The following SCMH1 variants were observed in gnomAD, a reference collection of about 807,000 sequenced individuals.
SCMH1 encodes the protein Scm polycomb group protein homolog 1, also known as polycomb protein SCMH1.
Under a neutral mutation model 70.8 loss-of-function variants are expected in SCMH1, and 37 were observed. That is an observed-to-expected ratio of 0.52 (90% CI 0.40 to 0.69). The LOEUF is 0.69. Ranked by LOEUF, SCMH1 falls within the 30% of genes least tolerant of loss-of-function variation. The probability of loss-of-function intolerance (pLI) is 0.00; values close to 1 mark genes in which losing one functional copy is unlikely to be tolerated. For missense variants in SCMH1, 607 were observed against 827.3 expected, an observed-to-expected ratio of 0.73 and a Z score of 3.27; for synonymous variants, 292 against 307.4, an observed-to-expected ratio of 0.95 and a Z score of 0.52.
chr1:41,043,367 T>C (rs1344150234), intron 12 of SCMH1: 1 of 151,962 alleles, frequency 6.6e-6, no homozygotes, highest in Non-Finnish European at 1.5e-5. Flanking sequence ...GTGCCGGGAT[T>C]ACAGGCATGA....
At chr1:41,221,189 G>A (rs1659172230) in intron 1 of SCMH1, among the ~76,000 whole-genome samples, 1 of 152,166 alleles carries the variant, frequency 6.6e-6, no homozygotes, top group Admixed American at 6.5e-5. Context: ...CTTATATGAG[G>A]TTCCTAGTGT....
intron 8 of SCMH1, among the ~76,000 whole-genome samples, chr1:41,075,812 G>A (rs1658117715): frequency 6.6e-6 from 1 of 152,132 alleles, no homozygotes. Flanking sequence ...TAAGAATGAA[G>A]GTCTGAGGCT....
At chr1:41,109,021 T>C (rs931716786) in intron 8 of SCMH1, among the ~76,000 whole-genome samples, 4 of 152,144 alleles carry the variant, frequency 2.6e-5, no homozygotes, top group Non-Finnish European at 5.9e-5. Flanking sequence ...CAAATGAAGC[T>C]TTGAAGAAGG....
intron 1 of SCMH1, 148 bp from the exon 2 acceptor site, chr1:41,186,398 G>A: frequency 3.0e-6 from 1 of 328,116 alleles, no homozygotes; most frequent in South Asian, 5.1e-5. Flanking sequence ...TCTTGGAGTT[G>A]CAAAGTACCT....
intron 7 of SCMH1, among the ~76,000 whole-genome samples, chr1:41,115,177 C>T (rs1199662472): frequency 6.6e-6 from 1 of 151,754 alleles, no homozygotes; most frequent in Non-Finnish European, 1.5e-5. Flanking sequence ...AAAAATTGAC[C>T]AACTTATTCG....
chr1:41,215,300 T>G (rs1215093574), intron 1 of SCMH1, among the ~76,000 whole-genome samples: 1 of 152,150 alleles, frequency 6.6e-6, no homozygotes, highest in Admixed American at 6.6e-5. Flanking sequence ...AAATAAAAAT[T>G]TGATCATGTG....
chr1:41,139,116 A>G (rs1643808427), intron 6 of SCMH1, among the ~76,000 whole-genome samples: 1 of 152,098 alleles, frequency 6.6e-6, no homozygotes, highest in Non-Finnish European at 1.5e-5. Context: ...TCTTCCACAG[A>G]GGAAGTTTTC....
chr1:41,153,487 T>C (rs1199737224), intron 4 of SCMH1, among the ~76,000 whole-genome samples: 1 of 152,194 alleles, frequency 6.6e-6, no homozygotes, highest in East Asian at 1.9e-4. Flanking sequence ...TTAAGAATAA[T>C]GGCAGCATCA....
intron 5 of SCMH1, among the ~76,000 whole-genome samples, chr1:41,146,637 A>ATTCAGT (rs1328068577): frequency 6.6e-6 from 1 of 152,172 alleles, no homozygotes; most frequent in Non-Finnish European, 1.5e-5. Context: ...TCAGTATAGT[A>ATTCAGT]ATATGCTGGA....
chr1:41,141,962 T>G (rs140510329), intron 6 of SCMH1, among the ~76,000 whole-genome samples: 126 of 152,322 alleles, frequency 8.3e-4, no homozygotes, highest in Admixed American at 7.9e-3. Context: ...AGAGACATAC[T>G]AAATACTTTC....
At chr1:41,058,381 T>TTTTTTC in intron 10 of SCMH1, among the ~76,000 whole-genome samples, 1 of 102,962 alleles carries the variant, frequency 9.7e-6, no homozygotes, top group Non-Finnish European at 2.1e-5. Context: ...CTTTCTTGTT[T>TTTTTTC]TTTTTTTTTT....
chr1:41,059,995 G>GA (rs1168482169), intron 10 of SCMH1, among the ~76,000 whole-genome samples: 6 of 133,260 alleles, frequency 4.5e-5, no homozygotes, highest in African/African-American at 8.4e-5. Context: ...TAAAAGCAAA[G>GA]AAAAAAAAGA....
chr1:41,089,310 C>T (rs1008326307), intron 8 of SCMH1, among the ~76,000 whole-genome samples: 3 of 152,228 alleles, frequency 2.0e-5, no homozygotes, highest in Non-Finnish European at 2.9e-5. Flanking sequence ...CTATCTCAGT[C>T]CATAGACTTG....
intron 8 of SCMH1, among the ~76,000 whole-genome samples, chr1:41,085,502 G>A (rs1661344958): frequency 6.6e-6 from 1 of 152,112 alleles, no homozygotes; most frequent in Admixed American, 6.5e-5. Flanking sequence ...CATTGCACTG[G>A]AGGTATTAAC....
At chr1:41,117,831 G>A (rs908972298) in intron 6 of SCMH1, among the ~76,000 whole-genome samples, 3 of 152,132 alleles carry the variant, frequency 2.0e-5, no homozygotes, top group Non-Finnish European at 4.4e-5. Flanking sequence ...CGTGACCCAC[G>A]TGACCTTACC....
chr1:41,098,964 T>C (rs941138680), intron 8 of SCMH1: 8 of 269,824 alleles, frequency 3.0e-5, no homozygotes, highest in Admixed American at 1.5e-4. Context: ...AACAACACAC[T>C]TGTGGATGTC....
chr1:41,221,070 T>C (rs1406093329), intron 1 of SCMH1, among the ~76,000 whole-genome samples: 3 of 152,250 alleles, frequency 2.0e-5, no homozygotes, highest in South Asian at 4.2e-4. Context: ...AAAAGAACAA[T>C]ACTAAATGGT....
At chr1:41,089,289 T>C (rs1176215643) in intron 8 of SCMH1, among the ~76,000 whole-genome samples, 1 of 152,222 alleles carries the variant, frequency 6.6e-6, no homozygotes, top group Non-Finnish European at 1.5e-5. Context: ...GCAACTGAAG[T>C]TCTGACTCAC....
At chr1:41,145,976 G>A (rs535319868) in intron 5 of SCMH1, among the ~76,000 whole-genome samples, 2 of 152,266 alleles carry the variant, frequency 1.3e-5, no homozygotes, top group East Asian at 1.9e-4. Flanking sequence ...ATTTTAGAGT[G>A]TATTCTTTAT....
Sources: allele counts gnomAD v4.1 joint callset (sites outside exome capture counted in the v4.1 genomes callset), GRCh38; gene constraint gnomAD v4.1.1; transcripts MANE v1.5; gene names NCBI Gene and HGNC (gene_info 2026-07-23, HGNC 2026-07-21).